Variants in RREB1 observed in about 807,000 individuals in gnomAD.
The protein encoded by RREB1 is ras responsive element binding protein 1.
In RREB1, 27 loss-of-function variants were observed where a neutral mutation model predicts 117.8. The observed-to-expected ratio is 0.23, with a 90% CI of 0.17 to 0.32. The LOEUF (loss-of-function observed/expected upper bound fraction) is 0.32, where lower values mean the gene tolerates loss of function less well. Ranked by LOEUF, RREB1 falls within the 10% of genes least tolerant of loss-of-function variation. The probability of loss-of-function intolerance (pLI) is 1.00; values close to 1 mark genes in which losing one functional copy is unlikely to be tolerated. For missense variants in RREB1, 2,577 were observed against 2,378.2 expected, an observed-to-expected ratio of 1.08 and a Z score of -1.74; for synonymous variants, 1,298 against 1,026.7, an observed-to-expected ratio of 1.26 and a Z score of -5.05.
chr6:7,114,552 A>C (rs1761301311), intron 1 of RREB1, among the ~76,000 whole-genome samples: 1 of 152,144 alleles, frequency 6.6e-6, no homozygotes, highest in Non-Finnish European at 1.5e-5. Context: ...TGGAGTGCAC[A>C]GAACGACCCC....
At chr6:7,237,491 G>A (rs1438385005) in intron 10 of RREB1, among the ~76,000 whole-genome samples, 1 of 151,954 alleles carries the variant, frequency 6.6e-6, no homozygotes, top group Non-Finnish European at 1.5e-5. Context: ...GCCTCCCAAA[G>A]TGCTGGGATT....
At chr6:7,128,968 CA>C (rs940879661) in intron 1 of RREB1, among the ~76,000 whole-genome samples, 3 of 151,092 alleles carry the variant, frequency 2.0e-5, no homozygotes, top group Non-Finnish European at 4.4e-5. Flanking sequence ...GACTCCGTCT[CA>C]AAAAAAAAGT....
At chr6:7,216,023 T>C (rs777885036) in intron 8 of RREB1, 12 of 152,190 alleles carry the variant, frequency 7.9e-5, no homozygotes, top group Non-Finnish European at 1.5e-4. Flanking sequence ...TCGGCCAAAG[T>C]TATTGTGTAA....
intron 1 of RREB1, among the ~76,000 whole-genome samples, chr6:7,111,391 A>G (rs957474367): frequency 5.9e-5 from 9 of 152,218 alleles, no homozygotes; most frequent in Admixed American, 5.9e-4. Context: ...CATAATTAAT[A>G]TAAATTTAAC....
At chr6:7,166,178 C>G (rs139500728) in intron 1 of RREB1, among the ~76,000 whole-genome samples, 58 of 152,282 alleles carry the variant, frequency 3.8e-4, no homozygotes, top group South Asian at 2.1e-4. Flanking sequence ...AACTGCCAGC[C>G]CCTGGCCTTG....
chr6:7,211,525 T>C (rs1436554975), intron 7 of RREB1, 48 bp from the exon 8 acceptor site: 25 of 1,588,762 alleles, frequency 1.6e-5, no homozygotes, highest in Non-Finnish European at 2.2e-5. Flanking sequence ...TCCGAAGCCA[T>C]CCCATGTGGG....
At chr6:7,241,312 C>T (rs1218283147) in intron 11 of RREB1, among the ~76,000 whole-genome samples, 2 of 152,106 alleles carry the variant, frequency 1.3e-5, no homozygotes, top group African/African-American at 4.8e-5. Context: ...CAGTACACTC[C>T]ATCCGCTCGG....
At chr6:7,155,039 C>T (rs1047913704) in intron 1 of RREB1, among the ~76,000 whole-genome samples, 9 of 152,026 alleles carry the variant, frequency 5.9e-5, no homozygotes, top group South Asian at 4.1e-4. Context: ...TTGTTAGGGG[C>T]GGAACGAAGG....
At chr6:7,232,217 C>T (rs1327897222) in intron 10 of RREB1, among the ~76,000 whole-genome samples, 1 of 152,184 alleles carries the variant, frequency 6.6e-6, no homozygotes, top group Non-Finnish European at 1.5e-5. Context: ...TCATCCCTTC[C>T]GGAGGTGGTA....
At chr6:7,131,676 G>C (rs1370301977) in intron 1 of RREB1, among the ~76,000 whole-genome samples, 5 of 152,116 alleles carry the variant, frequency 3.3e-5, no homozygotes, top group African/African-American at 4.8e-5. Flanking sequence ...AAAGCTGATA[G>C]CTTCTCGAAC....
At chr6:7,185,235 T>C (rs1765025192) in intron 4 of RREB1, 1 of 152,228 alleles carries the variant, frequency 6.6e-6, no homozygotes, top group Non-Finnish European at 1.5e-5. Flanking sequence ...TGTGTGAAAA[T>C]GTAGAGCATA....
chr6:7,217,403 TC>T (rs1766965095), intron 8 of RREB1: 1 of 152,238 alleles, frequency 6.6e-6, no homozygotes, highest in African/African-American at 2.4e-5. Context: ...CGCAGGTTCT[TC>T]TGATGAGGGT....
chr6:7,245,804 T>C (rs1343025257), intron 11 of RREB1, among the ~76,000 whole-genome samples: 1 of 152,162 alleles, frequency 6.6e-6, no homozygotes, highest in African/African-American at 2.4e-5. Context: ...CCACCACCCC[T>C]GGGAGGCTGA....
chr6:7,182,200 C>A, intron 4 of RREB1, 118 bp downstream of exon 4: 1 of 924,780 alleles, frequency 1.1e-6, no homozygotes, highest in Non-Finnish European at 1.6e-6. Flanking sequence ...ACGGACATAC[C>A]CAGAGGCCTT....
intron 1 of RREB1, among the ~76,000 whole-genome samples, chr6:7,121,915 TC>T (rs1018641544): frequency 1.3e-5 from 2 of 152,132 alleles, no homozygotes; most frequent in African/African-American, 2.4e-5. Context: ...CCCTGAGACT[TC>T]CATCAGGGTG....
At chr6:7,240,147 T>C (rs1421659138) in intron 10 of RREB1, among the ~76,000 whole-genome samples, 2 of 152,238 alleles carry the variant, frequency 1.3e-5, no homozygotes, top group Non-Finnish European at 2.9e-5. Context: ...TTGTTGTCGT[T>C]AATATTTTAA....
Position 7,248,873 on chromosome 6 carries a change from C to T in RREB1, c.5134C>T (p.Leu1712=), listed in dbSNP as rs751427841. 10 of 1,594,436 alleles carry T rather than the reference C, an allele frequency of 6.3e-6. No homozygotes were observed. The highest frequency in any genetic ancestry group is 1.1e-5 in the South Asian group (1 of 88,736). ...GDLNPESPAA[L]GQDLLEPRSK... ...CCTTAACCCAGAGAGCCCGGCGGCC[C>T]TGGGGCAGGACCTGCTGGAGCCGCG... Residue 1712 remains leucine, a synonymous_variant, in exon 13 of 13, where the codon CTG becomes TTG. Transcript: ENST00000379938.
chr6:7,229,348 G>C lies in RREB1; in HGVS notation c.1249G>C (p.Ala417Pro). ...TNLLSLSPFE[A>P]ASLGGSLTVL... is the part of the protein sequence containing the mutation. The stretch of plus-strand genomic sequence containing the variant: ...CCTGCTGAGCCTGTCACCTTTCGAA[G>C]CTGCTTCCCTAGGCGGTTCTCTCAC... Residue 417 changes from alanine to proline, a missense_variant, in exon 10 of 13, where the codon GCT becomes CCT. Ala to Pro is a conservative substitution (Grantham distance 27). Transcript: ENST00000379938. The surrounding 1 kb of genome is among the most constrained non-coding windows in gnomAD (Gnocchi z 4.5). 2.5e-6 allele frequency: 4 copies of C among 1,614,188 alleles called. No individual in the cohort carries two copies. Among genetic ancestry groups the C allele is most frequent in the Non-Finnish European group, 3.4e-6 (4 of 1,180,024 alleles).
intron 11 of RREB1, among the ~76,000 whole-genome samples, chr6:7,243,209 T>C (rs9502566): frequency 0.011 from 1,739 of 152,350 alleles, 36 homozygotes; most frequent in African/African-American, 0.04. Flanking sequence ...AAGGCACCCC[T>C]GCCAGGTCAG....
Sources: allele counts gnomAD v4.1 joint callset (sites outside exome capture counted in the v4.1 genomes callset), GRCh38; gene constraint gnomAD v4.1.1; non-coding constraint Gnocchi (gnomAD v3.1); transcripts MANE v1.5; gene names NCBI Gene and HGNC (gene_info 2026-07-23, HGNC 2026-07-21).